SDC2: variants seen among roughly 807,000 people sequenced by gnomAD.
SDC2 encodes syndecan-2.
A neutral mutation model predicts 22.2 loss-of-function variants in SDC2; 13 were observed. The ratio of observed to expected loss-of-function variants is 0.59; its 90% CI spans 0.38 to 0.93. The LOEUF is 0.93. Ranked by LOEUF, SDC2 falls within the 40% of genes least tolerant of loss-of-function variation. The pLI, the probability that SDC2 is intolerant of heterozygous loss-of-function variation, is 0.00. For synonymous variants in SDC2, 94 were observed against 92.8 expected, an observed-to-expected ratio of 1.01 and a Z score of -0.07; for missense variants, 235 against 246.8, an observed-to-expected ratio of 0.95 and a Z score of 0.32.
rs187209320 is a variant in SDC2 at position 96,528,378 on chromosome 8, C to G, written c.60+34047C>G. On this transcript the variant is annotated intron_variant, in intron 1 of 4. Transcript: ENST00000302190. The stretch of plus-strand genomic sequence containing the variant: ...AAATAACTAATAATGATCACTAGAA[C>G]AGAAAAATGTCAAAAGAAAAAACAC... Among the ~76,000 whole-genome samples, 341 of 152,004 alleles carry G rather than the reference C, an allele frequency of 2.2e-3. 1 individual carries two copies. The highest frequency in any genetic ancestry group is 8.0e-3 in the African/African-American group (330 of 41,468).
At chr8:96,600,603 C>T (rs944579749) in intron 2 of SDC2, among the ~76,000 whole-genome samples, 3 of 152,024 alleles carry the variant, frequency 2.0e-5, no homozygotes, top group African/African-American at 7.2e-5. Context: ...GGAGTGGTGG[C>T]CCTGGAACTG....
intron 1 of SDC2, among the ~76,000 whole-genome samples, chr8:96,539,502 A>G (rs186925724): frequency 2.0e-5 from 3 of 152,360 alleles, no homozygotes; most frequent in East Asian, 1.9e-4. Context: ...AAGAGAAACA[A>G]TCATCTTGCA....
intron 1 of SDC2, among the ~76,000 whole-genome samples, chr8:96,530,866 G>A (rs1813650855): frequency 6.6e-6 from 1 of 152,210 alleles, no homozygotes; most frequent in Non-Finnish European, 1.5e-5. Flanking sequence ...ATCTCGGGAA[G>A]ACTGACAGAA....
intron 1 of SDC2, among the ~76,000 whole-genome samples, chr8:96,558,236 T>G (rs2130555293): frequency 6.6e-6 from 1 of 152,042 alleles, no homozygotes; most frequent in Admixed American, 6.6e-5. Context: ...CCCTGATTCT[T>G]GGGAAAGGAG....
chr8:96,571,561 G>T (rs552866391), intron 1 of SDC2, among the ~76,000 whole-genome samples: 2 of 152,112 alleles, frequency 1.3e-5, no homozygotes. Context: ...GTGGTTCTGG[G>T]GTTTGATTCT....
chr8:96,536,701 C>T (rs1355524381), intron 1 of SDC2, among the ~76,000 whole-genome samples: 3 of 152,168 alleles, frequency 2.0e-5, no homozygotes, highest in Admixed American at 1.3e-4. Context: ...TCAGCAAGGG[C>T]AGAGTCTCAG....
chr8:96,515,284 C>G (rs970159397), intron 1 of SDC2, among the ~76,000 whole-genome samples: 3 of 151,988 alleles, frequency 2.0e-5, no homozygotes, highest in African/African-American at 4.8e-5. Flanking sequence ...ACACTGTGTT[C>G]TATTCTCCTC....
chr8:96,609,611 A>G lies in SDC2; in HGVS notation c.*63A>G, dbSNP rs1815142719. On this transcript the variant is annotated 3_prime_UTR_variant, in exon 5 of 5. Coordinates refer to ENST00000302190, the MANE Select transcript of SDC2 (RefSeq NM_002998.4). ...ACTTTTCAAAATAAAGCTTTTGCATAGAATAATGAAGATCTTTGTTTTTTG... is the reference window on the plus strand; with the variant it reads ...ACTTTTCAAAATAAAGCTTTTGCATGGAATAATGAAGATCTTTGTTTTTTG... 2 of 1,160,310 alleles carry G rather than the reference A, an allele frequency of 1.7e-6. No individual in the cohort carries two copies. Among genetic ancestry groups the G allele is most frequent in the African/African-American group, 1.6e-5 (1 of 63,166 alleles). 71.9% of individuals were successfully genotyped at this position (1,160,310 alleles called of 1,614,324 possible).
Position 96,499,898 on chromosome 8 carries a change from CCTA to C in SDC2, c.60+5570_60+5572del, listed in dbSNP as rs557247815. Among the ~76,000 whole-genome samples, 17 of 152,218 alleles carry C rather than the reference CCTA, an allele frequency of 1.1e-4. No individual in the cohort carries two copies. The South Asian group carries it at 3.5e-3, about 32-fold the overall frequency. Reference sequence around the variant, plus strand: ...AGGAAGAAACCATGTTTCCAAATCTCCTACTCCTGTGCAGTGCTGAGCTGGGTA... The same window carrying C: ...AGGAAGAAACCATGTTTCCAAATCTCCTCCTGTGCAGTGCTGAGCTGGGTA... On this transcript the variant is annotated intron_variant, in intron 1 of 4. Transcript: ENST00000302190.
At chr8:96,565,306 C>T (rs1032248926) in intron 1 of SDC2, among the ~76,000 whole-genome samples, 5 of 151,086 alleles carry the variant, frequency 3.3e-5, no homozygotes, top group Non-Finnish European at 7.4e-5. Context: ...GGGATGGTCT[C>T]GATCTCCTGA....
chr8:96,519,382 T>A (rs2582820), intron 1 of SDC2, among the ~76,000 whole-genome samples: 28,209 of 152,138 alleles, frequency 0.19, 2,826 homozygotes, highest in African/African-American at 0.24. Context: ...ATGCTCCACG[T>A]TACAGAAATT....
intron 1 of SDC2, among the ~76,000 whole-genome samples, chr8:96,570,038 A>T (rs541353980): frequency 3.3e-5 from 5 of 152,356 alleles, no homozygotes; most frequent in South Asian, 2.1e-4. Flanking sequence ...AACACGCAGG[A>T]TGCTAAGTGC....
intron 2 of SDC2, among the ~76,000 whole-genome samples, chr8:96,600,212 A>T (rs1814955095): frequency 6.6e-6 from 1 of 152,034 alleles, no homozygotes; most frequent in Non-Finnish European, 1.5e-5. Context: ...TTGCTTTCCC[A>T]CCTGCTTATT....
At chr8:96,500,753 A>G (rs1586265963) in intron 1 of SDC2, among the ~76,000 whole-genome samples, 1 of 151,882 alleles carries the variant, frequency 6.6e-6, no homozygotes, top group African/African-American at 2.4e-5. Context: ...TCTCAACTGC[A>G]TTTTGATAAG....
At chr8:96,575,978 C>T (rs143258514) in intron 1 of SDC2, among the ~76,000 whole-genome samples, 107 of 152,204 alleles carry the variant, frequency 7.0e-4, no homozygotes, top group Middle Eastern at 6.8e-3. Flanking sequence ...TCCCCCTTAC[C>T]GTTGTCAAAG....
chr8:96,545,992 G>A (rs1382515753), intron 1 of SDC2, among the ~76,000 whole-genome samples: 2 of 152,226 alleles, frequency 1.3e-5, no homozygotes, highest in Non-Finnish European at 2.9e-5. Context: ...GGCAACAGCA[G>A]TCAGGCTCTA....
chr8:96,495,437 G>A (rs369531552), intron 1 of SDC2, among the ~76,000 whole-genome samples: 10 of 152,170 alleles, frequency 6.6e-5, no homozygotes, highest in Admixed American at 6.5e-4. Flanking sequence ...CTCCACCTGG[G>A]CGCCAGGAGC....
intron 1 of SDC2, among the ~76,000 whole-genome samples, chr8:96,562,986 G>A (rs769660910): frequency 7.3e-5 from 11 of 151,666 alleles, no homozygotes; most frequent in Non-Finnish European, 1.5e-4. Flanking sequence ...TCATTTTGAC[G>A]CACATCACCC....
intron 1 of SDC2, among the ~76,000 whole-genome samples, chr8:96,531,590 A>G (rs757428383): frequency 5.9e-5 from 9 of 152,244 alleles, no homozygotes; most frequent in Non-Finnish European, 1.0e-4. Flanking sequence ...TTAAAAAATA[A>G]AAGAGAGAAA....
Sources: gnomAD v4.1 joint callset for allele counts (sites outside exome capture counted in the v4.1 genomes callset) on GRCh38, gnomAD v4.1.1 for gene constraint, MANE v1.5 for transcripts, NCBI Gene and HGNC (gene_info 2026-07-23, HGNC 2026-07-21) for gene names.